AGBL4: variants seen among roughly 807,000 people sequenced by gnomAD.
AGBL4 encodes cytosolic carboxypeptidase 6.
AGBL4 carries 58 observed loss-of-function variants against 66.4 expected under a neutral mutation model. That is an observed-to-expected ratio of 0.87 (90% CI 0.71 to 1.09). The LOEUF is 1.09. AGBL4 is among the 50% of genes least tolerant of loss of function. AGBL4 has a pLI of 0.00. For missense variants in AGBL4, 579 were observed against 631.0 expected, an observed-to-expected ratio of 0.92 and a Z score of 0.88; for synonymous variants, 234 against 222.9, an observed-to-expected ratio of 1.05 and a Z score of -0.44.
intron 5 of AGBL4, among the ~76,000 whole-genome samples, chr1:48,958,165 G>C (rs1657654118): frequency 6.6e-6 from 1 of 152,038 alleles, no homozygotes; most frequent in Admixed American, 6.6e-5. Context: ...GCCTCTGCAG[G>C]CTTGTTTTTT....
intron 8 of AGBL4, among the ~76,000 whole-genome samples, chr1:48,645,488 G>T (rs978579436): frequency 4.6e-5 from 7 of 152,140 alleles, no homozygotes; most frequent in Non-Finnish European, 1.0e-4. Context: ...TTAGGCTGAG[G>T]AGAGCTCAAT....
At chr1:48,543,564 C>T (rs998033383) in intron 11 of AGBL4, among the ~76,000 whole-genome samples, 1 of 152,148 alleles carries the variant, frequency 6.6e-6, no homozygotes, top group Non-Finnish European at 1.5e-5. Context: ...AGAAAAGATG[C>T]AGTTGCTTGC....
chr1:49,413,816 A>C (rs1645370214), intron 3 of AGBL4, among the ~76,000 whole-genome samples: 1 of 152,178 alleles, frequency 6.6e-6, no homozygotes, highest in South Asian at 2.1e-4. Flanking sequence ...AATCGGGGAA[A>C]TCTTACTTCA....
intron 5 of AGBL4, among the ~76,000 whole-genome samples, chr1:48,942,401 C>T (rs956556118): frequency 1.3e-5 from 2 of 151,974 alleles, no homozygotes; most frequent in African/African-American, 4.8e-5. Context: ...AGCTGAGTGA[C>T]CCTGGGCCCA....
intron 4 of AGBL4, among the ~76,000 whole-genome samples, chr1:49,056,718 T>C (rs998803366): frequency 6.6e-6 from 1 of 152,160 alleles, no homozygotes; most frequent in African/African-American, 2.4e-5. Flanking sequence ...GTAGCTATTG[T>C]GGCTGTCCAA....
intron 2 of AGBL4, among the ~76,000 whole-genome samples, chr1:49,827,114 G>A (rs148366514): frequency 7.9e-5 from 12 of 152,066 alleles, no homozygotes; most frequent in African/African-American, 2.9e-4. Context: ...ATTCTCAATG[G>A]GGGTGCTTTC....
At chr1:49,474,334 G>A (rs909552572) in intron 3 of AGBL4, among the ~76,000 whole-genome samples, 9 of 151,972 alleles carry the variant, frequency 5.9e-5, no homozygotes, top group African/African-American at 2.2e-4. Flanking sequence ...TCATTGTAGA[G>A]ATATTTCACT....
At chr1:49,161,262 T>A (rs1646535715) in intron 4 of AGBL4, among the ~76,000 whole-genome samples, 1 of 152,134 alleles carries the variant, frequency 6.6e-6, no homozygotes, top group Non-Finnish European at 1.5e-5. Flanking sequence ...AGTACATGGT[T>A]CCTCACAGCA....
chr1:49,541,311 C>G (rs539339713), intron 3 of AGBL4, among the ~76,000 whole-genome samples: 1 of 152,282 alleles, frequency 6.6e-6, no homozygotes, highest in Admixed American at 6.5e-5. Context: ...CCGCCTCCCT[C>G]TGCTTGCAGA....
At chr1:48,811,250 T>C (rs1442342226) in intron 6 of AGBL4, among the ~76,000 whole-genome samples, 1 of 152,124 alleles carries the variant, frequency 6.6e-6, no homozygotes, top group East Asian at 1.9e-4. Context: ...ATGTGTGTCA[T>C]GGAATCTGAG....
intron 1 of AGBL4, among the ~76,000 whole-genome samples, chr1:49,937,237 C>A: frequency 6.6e-6 from 1 of 151,930 alleles, no homozygotes; most frequent in South Asian, 2.1e-4. Flanking sequence ...TCAAAAGAGA[C>A]AAAAAAGGCC....
intron 3 of AGBL4, among the ~76,000 whole-genome samples, chr1:49,589,192 G>A (rs1171581927): frequency 6.6e-6 from 1 of 152,024 alleles, no homozygotes; most frequent in Non-Finnish European, 1.5e-5. Context: ...TAATATTGTT[G>A]AGTATAAATG....
chr1:49,043,509 A>T (rs1169288855), intron 5 of AGBL4, among the ~76,000 whole-genome samples: 3 of 152,130 alleles, frequency 2.0e-5, no homozygotes, highest in Non-Finnish European at 2.9e-5. Flanking sequence ...TTGAGCTGTT[A>T]TTAGCCCTAG....
chr1:49,975,205 G>A (rs936132635), intron 1 of AGBL4, among the ~76,000 whole-genome samples: 9 of 152,120 alleles, frequency 5.9e-5, no homozygotes, highest in Non-Finnish European at 1.2e-4. Context: ...CTTTTACATT[G>A]CAAAATCAGT....
At chr1:48,763,466 T>C (rs1465166158) in intron 6 of AGBL4, among the ~76,000 whole-genome samples, 1 of 151,972 alleles carries the variant, frequency 6.6e-6, no homozygotes, top group Non-Finnish European at 1.5e-5. Context: ...GCAATGGTGT[T>C]TTTTTGTGTG....
intron 4 of AGBL4, among the ~76,000 whole-genome samples, chr1:49,142,794 T>C (rs574218871): frequency 6.6e-6 from 1 of 152,238 alleles, no homozygotes; most frequent in South Asian, 2.1e-4. Flanking sequence ...ATAATTATAA[T>C]AACAAAAAGT....
At chr1:49,569,781 C>G (rs1644289328) in intron 3 of AGBL4, among the ~76,000 whole-genome samples, 1 of 152,130 alleles carries the variant, frequency 6.6e-6, no homozygotes, top group African/African-American at 2.4e-5. Flanking sequence ...ATTCCACTCT[C>G]TATATCCATA....
chr1:48,955,348 T>C (rs1475549775), intron 5 of AGBL4, among the ~76,000 whole-genome samples: 1 of 152,208 alleles, frequency 6.6e-6, no homozygotes. Flanking sequence ...TATGTGTTTG[T>C]TGACTTCATT....
intron 3 of AGBL4, among the ~76,000 whole-genome samples, chr1:49,667,985 G>A (rs1646402292): frequency 6.6e-6 from 1 of 152,140 alleles, no homozygotes; most frequent in Admixed American, 6.6e-5. Context: ...TAATTAATGT[G>A]TTGTGAAGAT....
Sources: gnomAD v4.1 joint callset for allele counts (sites outside exome capture counted in the v4.1 genomes callset) on GRCh38, gnomAD v4.1.1 for gene constraint, MANE v1.5 for transcripts, NCBI Gene and HGNC (gene_info 2026-07-23, HGNC 2026-07-21) for gene names.